TMCO5A: variants seen among roughly 807,000 people sequenced by gnomAD.
The protein encoded by TMCO5A is transmembrane and coiled-coil domain-containing protein 5A.
TMCO5A carries 34 observed loss-of-function variants against 42.3 expected under a neutral mutation model. The ratio of observed to expected loss-of-function variants is 0.80; its 90% CI spans 0.61 to 1.07. TMCO5A has a LOEUF of 1.07. TMCO5A is among the 50% of genes least tolerant of loss of function. The pLI, the probability that TMCO5A is intolerant of heterozygous loss-of-function variation, is 0.00. For synonymous variants in TMCO5A, 131 were observed against 115.6 expected (o/e 1.13, Z -0.86); for missense variants, 357 against 327.9 (o/e 1.09, Z -0.69).
the TMCO5A span, among the ~76,000 whole-genome samples, chr15:38,006,781 A>T: frequency 6.6e-6 from 1 of 152,106 alleles, no homozygotes; most frequent in Non-Finnish European, 1.5e-5. Flanking sequence ...TAAAGCAGGG[A>T]TTAGCAAACT....
chr15:37,990,557 A>ACT, the TMCO5A span, among the ~76,000 whole-genome samples: 1 of 151,968 alleles, frequency 6.6e-6, no homozygotes, highest in Admixed American at 6.6e-5. Context: ...TGTGTGTGGG[A>ACT]TTTTTTAAAA....
At chr15:38,030,145 A>G in the TMCO5A span, among the ~76,000 whole-genome samples, 1 of 152,226 alleles carries the variant, frequency 6.6e-6, no homozygotes, top group East Asian at 1.9e-4. Context: ...AACTTTCAGG[A>G]GACTAAAAGC....
At chr15:37,975,758 T>C in the TMCO5A span, among the ~76,000 whole-genome samples, 1 of 144,306 alleles carries the variant, frequency 6.9e-6, no homozygotes, top group Non-Finnish European at 1.5e-5. Flanking sequence ...TATTGATCAG[T>C]TGCGGTTTGA....
At chr15:37,992,413 T>C in the TMCO5A span, among the ~76,000 whole-genome samples, 1 of 152,114 alleles carries the variant, frequency 6.6e-6, no homozygotes, top group Non-Finnish European at 1.5e-5. Context: ...GTAAATTAGT[T>C]CCACCGTTGT....
At chr15:37,977,027 C>T in the TMCO5A span, among the ~76,000 whole-genome samples, 1 of 152,104 alleles carries the variant, frequency 6.6e-6, no homozygotes, top group Admixed American at 6.6e-5. Flanking sequence ...CCACCTTGGC[C>T]TCCCAAAGTG....
At chr15:37,979,160 C>A in the TMCO5A span, among the ~76,000 whole-genome samples, 3 of 152,100 alleles carry the variant, frequency 2.0e-5, no homozygotes, top group Non-Finnish European at 4.4e-5. Flanking sequence ...ATGTCAAAGG[C>A]CCTGCCCAGT....
chr15:38,008,194 CA>C, the TMCO5A span, among the ~76,000 whole-genome samples: 6 of 151,192 alleles, frequency 4.0e-5, no homozygotes, highest in African/African-American at 4.9e-5. Context: ...CGTGCCCAGC[CA>C]AACTCACCCA....
At chr15:37,942,641 T>C (rs1889788074) in intron 9 of TMCO5A, 1 of 178,828 alleles carries the variant, frequency 5.6e-6, no homozygotes, top group South Asian at 1.4e-4. Flanking sequence ...TTCCCCCAAA[T>C]ATATGGACAC....
chr15:37,994,128 G>C, the TMCO5A span, among the ~76,000 whole-genome samples: 1 of 152,182 alleles, frequency 6.6e-6, no homozygotes, highest in Non-Finnish European at 1.5e-5. Context: ...CAGAGCAGAG[G>C]ATCCACTGTT....
chr15:37,971,168 A>T (rs11855353), downstream of TMCO5A, among the ~76,000 whole-genome samples: 16,533 of 152,168 alleles, frequency 0.11, 1,184 homozygotes, highest in Non-Finnish European at 0.15. Context: ...AGGCATTTCC[A>T]TACAACCTCT....
intron 3 of TMCO5A, 106 bp downstream of exon 3, chr15:37,936,569 T>C (rs1157933588): frequency 1.4e-6 from 2 of 1,379,438 alleles, no homozygotes; most frequent in Admixed American, 2.3e-5. Context: ...CTACCTTGTG[T>C]GGCAAAAAGT....
chr15:37,951,520 A>G (rs937420649), downstream of TMCO5A: 2 of 333,006 alleles, frequency 6.0e-6, no homozygotes, highest in Non-Finnish European at 1.1e-5. Flanking sequence ...TAATTGATAA[A>G]TTATTCTAGT....
intron 5 of TMCO5A, 112 bp downstream of exon 5, chr15:37,937,508 A>T (rs1889562818): frequency 2.7e-6 from 3 of 1,095,094 alleles, no homozygotes; most frequent in Middle Eastern, 2.1e-4. Context: ...AGAGGCCTGT[A>T]TGTGGAGTGC....
the TMCO5A span, among the ~76,000 whole-genome samples, chr15:38,013,402 G>A: frequency 6.6e-6 from 1 of 152,090 alleles, no homozygotes; most frequent in Non-Finnish European, 1.5e-5. Flanking sequence ...AACTTGACAT[G>A]GTGCCAAGAG....
At chr15:37,958,850 C>T (rs978375412) in intron 11 of TMCO5A, among the ~76,000 whole-genome samples, 1 of 152,080 alleles carries the variant, frequency 6.6e-6, no homozygotes, top group Non-Finnish European at 1.5e-5. Context: ...TTCACAATAG[C>T]AAAGACTTGG....
chr15:37,943,378 C>A lies in TMCO5A; in HGVS notation c.607C>A (p.His203Asn). 1 of 1,612,412 alleles carries A rather than the reference C, an allele frequency of 6.2e-7. No homozygotes were observed. The highest frequency in any genetic ancestry group is 1.1e-5 in the South Asian group (1 of 91,028). ...GAGCATGAACCCTGTGGAAAAAGAGCATACCAGCCAAAATAATGAGGTAAA... is the reference window on the plus strand; with the variant it reads ...GAGCATGAACCCTGTGGAAAAAGAGAATACCAGCCAAAATAATGAGGTAAA... ...LVSMNPVEKEHTSQNNEGTPT... is the reference protein window; with the variant it reads ...LVSMNPVEKENTSQNNEGTPT... The change falls in exon 10 of 12, where the codon CAT (histidine) becomes AAT (asparagine). Residue 203 changes from histidine to asparagine, a missense_variant. Coordinates refer to ENST00000319669, the MANE Select transcript of TMCO5A (RefSeq NM_152453.4).
At chr15:37,941,059 T>C (rs1236500333) in intron 6 of TMCO5A, 90 bp from the exon 7 acceptor site, 1 of 1,267,080 alleles carries the variant, frequency 7.9e-7, no homozygotes, top group Non-Finnish European at 1.1e-6. Flanking sequence ...CTGAGGCTCC[T>C]CACAGCTCGT....
chr15:37,966,608 T>C (rs1890562846), intron 11 of TMCO5A: 1 of 702,800 alleles, frequency 1.4e-6, no homozygotes. Context: ...CATCATTTCT[T>C]TTTCTTCTCT....
At chr15:37,970,920 GC>G (rs1367772210), downstream of TMCO5A, among the ~76,000 whole-genome samples, 2 of 152,234 alleles carry the variant, frequency 1.3e-5, no homozygotes, top group Non-Finnish European at 2.9e-5. Context: ...CCTCCTGGGT[GC>G]TTTCATGGCC....
Sources: gnomAD v4.1 joint callset for allele counts (sites outside exome capture counted in the v4.1 genomes callset) on GRCh38, gnomAD v4.1.1 for gene constraint, MANE v1.5 for transcripts, NCBI Gene and HGNC (gene_info 2026-07-23, HGNC 2026-07-21) for gene names.